IL4R: variants seen among roughly 807,000 people sequenced by gnomAD.
IL4R encodes interleukin-4 receptor subunit alpha.
Under a neutral mutation model 41.5 loss-of-function variants are expected in IL4R, and 17 were observed. The ratio of observed to expected loss-of-function variants is 0.41; its 90% CI spans 0.28 to 0.61. The LOEUF is 0.61. IL4R is among the 20% of genes least tolerant of loss of function. The pLI is 0.31. For synonymous variants in IL4R, 402 were observed against 422.9 expected (o/e 0.95, Z 0.61); for missense variants, 974 against 1,043.1 (o/e 0.93, Z 0.91).
chr16:27,337,498 GC>G (rs1380309787), intron 2 of IL4R, among the ~76,000 whole-genome samples: 1 of 152,124 alleles, frequency 6.6e-6, no homozygotes, highest in Non-Finnish European at 1.5e-5. Context: ...AGAGACCCAA[GC>G]GGGAAGTGAA....
Position 27,363,540 on chromosome 16 carries a change from CAGG to C in IL4R, c.2193_2195del (p.Glu731del). 2 of 1,614,144 alleles carry C rather than the reference CAGG, an allele frequency of 1.2e-6. No homozygotes were observed. The highest frequency in any genetic ancestry group is 2.2e-5 in the South Asian group (2 of 91,078). ...CGGCCACCTGAAACAGTGTCATGGCCAGGAGGATGGTGGCCAGACCCCTGTCAT... is the reference window on the plus strand; with the variant it reads ...CGGCCACCTGAAACAGTGTCATGGCCAGGATGGTGGCCAGACCCCTGTCAT... On this transcript the variant is annotated inframe_deletion, in exon 11 of 11. Coordinates refer to ENST00000395762, the MANE Select transcript of IL4R (RefSeq NM_000418.4).
rs138714225 is a variant in IL4R at position 27,355,939 on chromosome 16, C to T, written c.770+32C>T. ...CCTGGGCCCAGTGCTGCCGAGCAGT[C>T]CCTCTGGAGTGCAGGGTGGCAGGGA... On this transcript the variant is annotated intron_variant, in intron 8 of 10. Transcript: ENST00000395762. 2.3e-3 allele frequency: 3,442 copies of T among 1,494,386 alleles called. 76 individuals are homozygous for T. In the Admixed American group the frequency reaches 0.038, roughly 16 times the overall value. 92.6% of individuals were successfully genotyped at this position (1,494,386 alleles called of 1,614,324 possible).
At chr16:27,338,282 G>C (rs2085325137) in intron 2 of IL4R, among the ~76,000 whole-genome samples, 1 of 151,270 alleles carries the variant, frequency 6.6e-6, no homozygotes, top group African/African-American at 2.4e-5. Flanking sequence ...CAGTGGTACG[G>C]TCTTGGCTTA....
rs759552353 is a variant in IL4R, at chr16:27,362,598, G to C, written c.1246G>C (p.Gly416Arg). 2 of 1,614,170 alleles carry C rather than the reference G, an allele frequency of 1.2e-6. No individual in the cohort carries two copies. Among genetic ancestry groups the C allele is most frequent in the African/African-American group, 1.3e-5 (1 of 75,026 alleles). The change falls in exon 11 of 11, where the codon GGA becomes CGA. Residue 416 changes from glycine to arginine, a missense_variant. Physicochemically the swap from Gly to Arg is moderately radical, Grantham distance 125. Coordinates refer to ENST00000395762, the MANE Select transcript of IL4R (RefSeq NM_000418.4). The part of the protein sequence containing the change: ...LTESLFLDLL[G>R]EENGGFCQQD... ...AGAGAGCCTGTTCCTGGACCTGCTCGGAGAGGAGAATGGGGGCTTTTGCCA... is the reference window on the plus strand; with the variant it reads ...AGAGAGCCTGTTCCTGGACCTGCTCCGAGAGGAGAATGGGGGCTTTTGCCA...
At chr16:27,340,958 A>C (rs1476659443) in intron 3 of IL4R, 1 of 430,900 alleles carries the variant, frequency 2.3e-6, no homozygotes, top group Admixed American at 2.9e-5. Context: ...GGTGGAGGAG[A>C]GTGAGCAGCA....
chr16:27,335,423 G>A (rs761772014), intron 2 of IL4R, among the ~76,000 whole-genome samples: 6 of 151,912 alleles, frequency 3.9e-5, no homozygotes, highest in Non-Finnish European at 2.9e-5. Flanking sequence ...GCTGGAGTGC[G>A]GTGGTGCGAT....
At chr16:27,352,304 G>A (rs951228538) in intron 6 of IL4R, among the ~76,000 whole-genome samples, 2 of 152,160 alleles carry the variant, frequency 1.3e-5, no homozygotes, top group African/African-American at 2.4e-5. Flanking sequence ...ACTCAGAAAG[G>A]TTAAACAACT....
At chr16:27,361,624 T>C (rs1041482030) in intron 10 of IL4R, among the ~76,000 whole-genome samples, 1 of 149,644 alleles carries the variant, frequency 6.7e-6, no homozygotes, top group African/African-American at 2.5e-5. Context: ...TTTTTTTTTT[T>C]TTTTTTTTGG....
intron 2 of IL4R, among the ~76,000 whole-genome samples, chr16:27,336,847 G>A (rs573917250): frequency 6.4e-4 from 98 of 152,158 alleles, no homozygotes; most frequent in African/African-American, 2.3e-3. Flanking sequence ...GGGAGGCTGA[G>A]GCAGGCGGAT....
chr16:27,362,933 A>AC lies in IL4R; in HGVS notation c.1584dup (p.Glu529ArgfsTer10). On this transcript the variant is annotated frameshift_variant, in exon 11 of 11. Coordinates refer to ENST00000395762, the MANE Select transcript of IL4R (RefSeq NM_000418.4). LOFTEE classifies it low-confidence loss of function (END_TRUNC). ...TGGCCAGACACCTGGAGGAAGTAGAACCCGAGATGCCCTGTGTCCCCCAGC... is the reference window on the plus strand; with the variant it reads ...TGGCCAGACACCTGGAGGAAGTAGAACCCCGAGATGCCCTGTGTCCCCCAGC... 1.2e-6 allele frequency: 2 copies of AC among 1,614,080 alleles called. No individual in the cohort carries two copies. The highest frequency in any genetic ancestry group is 4.5e-5 in the East Asian group (2 of 44,880).
intron 1 of IL4R, among the ~76,000 whole-genome samples, chr16:27,327,445 G>A (rs989432891): frequency 6.6e-6 from 1 of 152,190 alleles, no homozygotes; most frequent in Non-Finnish European, 1.5e-5. Context: ...AGTGAGTCAA[G>A]TGTGTTCTCC....
chr16:27,318,193 G>C (rs980978248), intron 1 of IL4R, among the ~76,000 whole-genome samples: 1 of 152,212 alleles, frequency 6.6e-6, no homozygotes, highest in Non-Finnish European at 1.5e-5. Flanking sequence ...TTTCTGCAGA[G>C]ATATTAGTGC....
Position 27,345,036 on chromosome 16 carries a change from T to C in IL4R, c.361+16T>C. The C allele has an allele frequency of 7.4e-7, 1 of 1,357,912 alleles. No individual in the cohort carries two copies. The highest frequency in any genetic ancestry group is 4.1e-5 in the East Asian group (1 of 24,142). The allele number at this position is 1,357,912 out of a possible 1,614,324, so 84.1% of individuals were successfully genotyped here. Reference sequence around the variant, plus strand: ...AGCGAGCATGGTGAGCAGGGCGGAGTGCGGCAGGGGTGGCTGGGTGTGTTC... The same window carrying C: ...AGCGAGCATGGTGAGCAGGGCGGAGCGCGGCAGGGGTGGCTGGGTGTGTTC... On this transcript the variant is annotated intron_variant, in intron 5 of 10. Coordinates refer to ENST00000395762, the MANE Select transcript of IL4R (RefSeq NM_000418.4). The surrounding 1 kb of genome is among the most constrained non-coding windows in gnomAD (Gnocchi z 4.5).
At chr16:27,360,354 G>A (rs1334716311) in intron 9 of IL4R, among the ~76,000 whole-genome samples, 1 of 152,242 alleles carries the variant, frequency 6.6e-6, no homozygotes, top group East Asian at 1.9e-4. Context: ...AGGTGCCTGA[G>A]CCATGTGCCT....
In IL4R at chr16:27,364,221, G is replaced by T. The variant is rs1049631; in HGVS notation, c.*391G>T. Reference sequence around the variant, plus strand: ...TTTTGCCCACCAGATCATGGCCCACGTGGAGGCCCACCTGCCTCTGTCTCA... The same window carrying T: ...TTTTGCCCACCAGATCATGGCCCACTTGGAGGCCCACCTGCCTCTGTCTCA... On this transcript the variant is annotated 3_prime_UTR_variant, in exon 11 of 11. Coordinates refer to ENST00000395762, the MANE Select transcript of IL4R (RefSeq NM_000418.4). The T allele has an allele frequency of 1.2e-4, 21 of 180,108 alleles. No homozygotes were observed. Among genetic ancestry groups the T allele is most frequent in the Admixed American group, 2.9e-4 (5 of 17,112 alleles). 11.2% of individuals were successfully genotyped at this position (180,108 alleles called of 1,614,324 possible). A position where few individuals can be genotyped will look rare whatever the true frequency, so the allele number is the denominator to read the frequency against.
chr16:27,356,115 G>A (rs1160852955), intron 8 of IL4R, among the ~76,000 whole-genome samples: 4 of 141,084 alleles, frequency 2.8e-5, no homozygotes, highest in Non-Finnish European at 4.5e-5. Flanking sequence ...TTTTTGAGAC[G>A]GAGTCTCACT....
Position 27,364,159 on chromosome 16 carries a change from G to A in IL4R, c.*329G>A, listed in dbSNP as rs570965218. On this transcript the variant is annotated 3_prime_UTR_variant, in exon 11 of 11. Transcript: ENST00000395762. ...GTTGGCTGCTCCCTCCACAGCTTCT[G>A]CAGCAGACTGTCCCTGTTGTAACTG... 3.5e-6 allele frequency: 1 copy of A among 283,952 alleles called. No individual in the cohort carries two copies. The highest frequency in any genetic ancestry group is 7.6e-5 in the South Asian group (1 of 13,160). 17.6% of individuals were successfully genotyped at this position (283,952 alleles called of 1,614,324 possible). A position where few individuals can be genotyped will look rare whatever the true frequency, so the allele number is the denominator to read the frequency against.
Position 27,363,132 on chromosome 16 carries a change from G to A in IL4R, c.1780G>A (p.Gly594Ser). Residue 594 changes from glycine (G) to serine (S), a missense_variant, in exon 11 of 11, where the codon GGC becomes AGC. Gly to Ser is a moderately conservative substitution (Grantham distance 56, BLOSUM62 0). Coordinates refer to ENST00000395762, the MANE Select transcript of IL4R (RefSeq NM_000418.4). ...TGGCACCCAGGCCAGTGCGGTGGTG[G>A]GCTTGGGTCCCCCAGGAGAGGCTGG... ...QGGTQASAVV[G>S]LGPPGEAGYK... 1 of 1,613,894 alleles carries A rather than the reference G, an allele frequency of 6.2e-7. No individual in the cohort carries two copies.
chr16:27,348,297 G>A (rs1303490037), intron 6 of IL4R, among the ~76,000 whole-genome samples: 1 of 152,104 alleles, frequency 6.6e-6, no homozygotes, highest in Non-Finnish European at 1.5e-5. Context: ...AGAGAGTGGG[G>A]CAAGTTTTGT....
Sources: gnomAD v4.1 joint callset for allele counts (sites outside exome capture counted in the v4.1 genomes callset) on GRCh38, gnomAD v4.1.1 for gene constraint, Gnocchi (gnomAD v3.1) non-coding constraint, MANE v1.5 for transcripts, NCBI Gene and HGNC (gene_info 2026-07-23, HGNC 2026-07-21) for gene names.